The following LRRTM4 variants were observed in gnomAD, a reference collection of about 807,000 sequenced individuals.
The protein encoded by LRRTM4 is leucine rich repeat transmembrane neuronal 4, also known as leucine-rich repeat transmembrane neuronal protein 4.
Under a neutral mutation model 47.6 loss-of-function variants are expected in LRRTM4, and 25 were observed. The observed-to-expected ratio is 0.53, with a 90% CI of 0.38 to 0.73. LRRTM4 has a LOEUF of 0.73. Among genes scored for constraint, LRRTM4 ranks in the 30% least tolerant of loss-of-function variants. The pLI is 0.00. For missense variants in LRRTM4, 638 were observed against 713.4 expected, an observed-to-expected ratio of 0.89 and a Z score of 1.20; for synonymous variants, 311 against 269.5, an observed-to-expected ratio of 1.15 and a Z score of -1.51.
chr2:76,837,486 G>A (rs1671548148), intron 3 of LRRTM4, among the ~76,000 whole-genome samples: 1 of 151,744 alleles, frequency 6.6e-6, no homozygotes, highest in Admixed American at 6.6e-5. Context: ...TGTCAATTTT[G>A]GATCTTTCCT....
chr2:77,361,315 A>C (rs12475354), intron 3 of LRRTM4, among the ~76,000 whole-genome samples: 67,562 of 151,234 alleles, frequency 0.45, 15,269 homozygotes, highest in East Asian at 0.66. Context: ...TCTGTGCATT[A>C]TTCCATTCTT....
At chr2:77,386,043 C>T (rs1214345358) in intron 3 of LRRTM4, among the ~76,000 whole-genome samples, 1 of 152,008 alleles carries the variant, frequency 6.6e-6, no homozygotes, top group Non-Finnish European at 1.5e-5. Context: ...AGGCATGAGC[C>T]ACCATGCCCA....
intron 3 of LRRTM4, among the ~76,000 whole-genome samples, chr2:77,512,949 C>T (rs190231356): frequency 1.8e-4 from 27 of 152,220 alleles, no homozygotes; most frequent in Admixed American, 6.5e-4. Context: ...TTAGCTATGT[C>T]GGTCTTTTTT....
chr2:77,177,035 C>A (rs1673216731), intron 3 of LRRTM4, among the ~76,000 whole-genome samples: 1 of 152,178 alleles, frequency 6.6e-6, no homozygotes, highest in Non-Finnish European at 1.5e-5. Flanking sequence ...ATTCCCTACC[C>A]CTTTCCTAAG....
chr2:77,212,423 A>T (rs575849670), intron 3 of LRRTM4, among the ~76,000 whole-genome samples: 1 of 149,780 alleles, frequency 6.7e-6, no homozygotes, highest in African/African-American at 2.4e-5. Context: ...TCAATCTTCT[A>T]TTCAAAGTTA....
intron 3 of LRRTM4, among the ~76,000 whole-genome samples, chr2:76,930,135 A>T (rs1211619114): frequency 1.3e-5 from 2 of 152,128 alleles, no homozygotes; most frequent in South Asian, 4.1e-4. Flanking sequence ...CCAATCCACA[A>T]CAAACCCATA....
chr2:77,422,115 A>G (rs1674921359), intron 3 of LRRTM4, among the ~76,000 whole-genome samples: 1 of 152,214 alleles, frequency 6.6e-6, no homozygotes. Context: ...ATACTTTATG[A>G]TATTCAAACA....
chr2:77,077,638 C>G (rs1358284610), intron 3 of LRRTM4, among the ~76,000 whole-genome samples: 1 of 152,048 alleles, frequency 6.6e-6, no homozygotes, highest in African/African-American at 2.4e-5. Flanking sequence ...TTCCAGTGCC[C>G]AAGATCCACA....
chr2:77,136,781 A>T (rs1335480709), intron 3 of LRRTM4, among the ~76,000 whole-genome samples: 1 of 151,040 alleles, frequency 6.6e-6, no homozygotes, highest in Non-Finnish European at 1.5e-5. Flanking sequence ...AAGTCCTTAA[A>T]TGACCTGAGG....
chr2:77,196,123 T>G (rs1673819690), intron 3 of LRRTM4, among the ~76,000 whole-genome samples: 1 of 152,314 alleles, frequency 6.6e-6, no homozygotes, highest in African/African-American at 2.4e-5. Context: ...TTGGTTATTG[T>G]CATTTAATAA....
chr2:77,067,754 C>T (rs1317671712), intron 3 of LRRTM4, among the ~76,000 whole-genome samples: 1 of 149,646 alleles, frequency 6.7e-6, no homozygotes, highest in Non-Finnish European at 1.5e-5. Context: ...ACGGAAGTCA[C>T]AGGAGCAACA....
intron 3 of LRRTM4, among the ~76,000 whole-genome samples, chr2:77,207,866 C>CTTTTTTTTTTTTTTTTTTT (rs754540782): frequency 7.0e-5 from 3 of 42,614 alleles, no homozygotes; most frequent in African/African-American, 1.0e-4. Context: ...GGGAAAGTGG[C>CTTTTTTTTTTTTTTTTTTT]TTTTTTTTTT....
chr2:76,818,775 T>C (rs115083305), intron 3 of LRRTM4, among the ~76,000 whole-genome samples: 2,005 of 151,740 alleles, frequency 0.013, 37 homozygotes, highest in African/African-American at 0.042. Context: ...TTCCTACTAA[T>C]ATTATTCAAA....
intron 3 of LRRTM4, among the ~76,000 whole-genome samples, chr2:77,121,312 G>A (rs540616419): frequency 2.7e-4 from 41 of 151,750 alleles, no homozygotes; most frequent in African/African-American, 8.9e-4. Flanking sequence ...ACATCAGTAC[G>A]AACATGTTTT....
At chr2:77,247,069 T>C (rs1208654009) in intron 3 of LRRTM4, among the ~76,000 whole-genome samples, 2 of 152,100 alleles carry the variant, frequency 1.3e-5, no homozygotes, top group Non-Finnish European at 2.9e-5. Flanking sequence ...CAATTTTTAC[T>C]TCATTTTCTA....
chr2:76,899,229 G>C (rs1436948350), intron 3 of LRRTM4, among the ~76,000 whole-genome samples: 2 of 149,290 alleles, frequency 1.3e-5, no homozygotes, highest in African/African-American at 4.9e-5. Context: ...AGAGATGCTG[G>C]GACACAGAAG....
At chr2:77,120,709 T>G (rs949524126) in intron 3 of LRRTM4, among the ~76,000 whole-genome samples, 2 of 151,764 alleles carry the variant, frequency 1.3e-5, no homozygotes, top group Admixed American at 1.3e-4. Context: ...AATACATATA[T>G]TTTTATAAAG....
At chr2:77,082,243 C>T (rs921036496) in intron 3 of LRRTM4, among the ~76,000 whole-genome samples, 1 of 151,970 alleles carries the variant, frequency 6.6e-6, no homozygotes, top group Non-Finnish European at 1.5e-5. Context: ...TGAGGCACAG[C>T]TTATTTTTGC....
At chr2:77,063,320 A>G (rs1055234335) in intron 3 of LRRTM4, among the ~76,000 whole-genome samples, 2 of 152,092 alleles carry the variant, frequency 1.3e-5, no homozygotes, top group Non-Finnish European at 2.9e-5. Flanking sequence ...GTTTTATATC[A>G]CAGTAAGATC....
Sources: gnomAD v4.1 joint callset for allele counts (sites outside exome capture counted in the v4.1 genomes callset) on GRCh38, gnomAD v4.1.1 for gene constraint, MANE v1.5 for transcripts, NCBI Gene and HGNC (gene_info 2026-07-23, HGNC 2026-07-21) for gene names.